The following KDM3A variants were observed in gnomAD, a reference collection of about 807,000 sequenced individuals.
The protein encoded by KDM3A is lysine demethylase 3A, also known as lysine-specific demethylase 3A.
KDM3A carries 60 observed loss-of-function variants against 158.0 expected under a neutral mutation model. The ratio of observed to expected loss-of-function variants is 0.38; its 90% CI spans 0.31 to 0.47. KDM3A has a LOEUF of 0.47. Among genes scored for constraint, KDM3A ranks in the 20% least tolerant of loss-of-function variants. KDM3A has a pLI of 0.99. For missense variants in KDM3A, 1,319 were observed against 1,574.3 expected (o/e 0.84, Z 2.74); for synonymous variants, 608 against 549.3 (o/e 1.11, Z -1.49).
intron 2 of KDM3A, among the ~76,000 whole-genome samples, chr2:86,447,487 A>G (rs1573141454): frequency 6.7e-6 from 1 of 149,478 alleles, no homozygotes; most frequent in Non-Finnish European, 1.5e-5. Context: ...TAGATATTAG[A>G]TAATTGTGTT....
chr2:86,481,612 T>A (rs1390138926), intron 16 of KDM3A, among the ~76,000 whole-genome samples: 1 of 151,834 alleles, frequency 6.6e-6, no homozygotes, highest in Middle Eastern at 3.2e-3. Flanking sequence ...GGAAAAAAAA[T>A]GTGTAAAGAG....
rs1672713731 is a variant in KDM3A, at chr2:86,456,673, A to C, written c.681+107A>C. 20 of 1,279,336 alleles carry C rather than the reference A, an allele frequency of 1.6e-5. 1 individual carries two copies. Among genetic ancestry groups the C allele is most frequent in the Middle Eastern group, 2.6e-4 (1 of 3,862 alleles). 79.2% of individuals were successfully genotyped at this position (1,279,336 alleles called of 1,614,324 possible). On this transcript the variant is annotated intron_variant, in intron 6 of 25. Transcript: ENST00000312912. ...AAATACCTTTATTATTTTATAGGGT[A>C]GAAATAATTACAGTTGTTTTAAAAA...
chr2:86,473,826 T>C (rs1455719700), intron 11 of KDM3A, among the ~76,000 whole-genome samples: 5 of 152,242 alleles, frequency 3.3e-5, no homozygotes, highest in African/African-American at 4.8e-5. Flanking sequence ...TCAAGTGTTA[T>C]ACAGTATTGA....
chr2:86,442,007 T>G lies in KDM3A; in HGVS notation c.-30-11T>G. 4 of 1,561,770 alleles carry G rather than the reference T, an allele frequency of 2.6e-6. No homozygotes were observed. Among genetic ancestry groups the G allele is most frequent in the Non-Finnish European group, 3.5e-6 (4 of 1,146,720 alleles). On this transcript the variant is annotated splice_polypyrimidine_tract_variant and intron_variant, in intron 1 of 25. Transcript: ENST00000312912. ...CCGCCCCCGTCGCATTTTGTTTTTG[T>G]GTTTTTGCAGGGAGGAGCTCTTCCT...
chr2:86,440,280 T>C (rs534028384), upstream of KDM3A, among the ~76,000 whole-genome samples: 1 of 152,382 alleles, frequency 6.6e-6, no homozygotes, highest in African/African-American at 2.4e-5. Context: ...ATCCCTTATA[T>C]GTTTCCAAAC....
rs771659588 is a variant in KDM3A, at chr2:86,482,021, G to T, written c.2604G>T (p.Thr868=). 6.2e-7 allele frequency: 1 copy of T among 1,614,004 alleles called. No homozygotes were observed. Among genetic ancestry groups the T allele is most frequent in the East Asian group, 2.2e-5 (1 of 44,882 alleles). Residue 868 remains threonine (T), a synonymous_variant, in exon 17 of 26, where the codon ACG becomes ACT. Transcript: ENST00000312912. ...GCAAATCCAGCACAGTCCTCCATAC[G>T]TTTAACAGCACAATTTTGACACCCG... is the stretch of plus-strand genomic sequence containing the variant. The part of the protein sequence containing the change: ...PLSKSSTVLH[T]FNSTILTPVS...
At chr2:86,460,518 T>C (rs572545057) in intron 8 of KDM3A, among the ~76,000 whole-genome samples, 1 of 152,270 alleles carries the variant, frequency 6.6e-6, no homozygotes, top group South Asian at 2.1e-4. Flanking sequence ...ACTGGCACTT[T>C]TAGGGTGGTC....
chr2:86,456,446 CA>C lies in KDM3A; in HGVS notation c.566del (p.Asn189ThrfsTer2). On this transcript the variant is annotated frameshift_variant, in exon 6 of 26. Transcript: ENST00000312912. LOFTEE classifies it high-confidence loss of function. ...TTTTTTTTTTTTTTTTTTAAGGTGA[CA>C]AAAACTTAGTTGGTTCAGAAGTAAA... ...LDESHLLKGDKNLVGSEVKIY... is the reference protein window; with the variant it reads ...LDESHLLKGDXNLVGSEVKIY... 1 of 1,140,448 alleles carries C rather than the reference CA, an allele frequency of 8.8e-7. No individual in the cohort carries two copies. The highest frequency in any genetic ancestry group is 2.1e-5 in the African/African-American group (1 of 47,780). The allele number at this position is 1,140,448 out of a possible 1,614,324, so 70.6% of individuals were successfully genotyped here. A position where few individuals can be genotyped will look rare whatever the true frequency, so the allele number is the denominator to read the frequency against.
chr2:86,441,935 C>A, intron 1 of KDM3A, 83 bp from the exon 2 acceptor site: 2 of 1,145,904 alleles, frequency 1.7e-6, no homozygotes, highest in South Asian at 2.8e-5. Flanking sequence ...GGTTCGGCGC[C>A]CTCCGCCCGC....
In KDM3A at chr2:86,490,953, C is replaced by A; in HGVS notation, c.3646C>A (p.Arg1216=). 6.2e-7 allele frequency: 1 copy of A among 1,613,732 alleles called. No individual in the cohort carries two copies. The change falls in exon 24 of 26, where the codon CGA becomes AGA. Residue 1216 remains arginine, a synonymous_variant. Coordinates refer to ENST00000312912, the MANE Select transcript of KDM3A (RefSeq NM_018433.6). ...TCATGATCAAAGCTGGTATTTAGAC[C>A]GATCATTAAGAAAACGTCTTCATCA... is the stretch of plus-strand genomic sequence containing the variant. ...PIHDQSWYLD[R]SLRKRLHQEY...
chr2:86,447,011 C>T (rs1682983692), intron 2 of KDM3A, among the ~76,000 whole-genome samples: 1 of 152,160 alleles, frequency 6.6e-6, no homozygotes, highest in Admixed American at 6.5e-5. Flanking sequence ...GAAGTTTCCC[C>T]ACGTTGCCTT....
In KDM3A at chr2:86,462,990, C is replaced by A. The variant is rs527435157; in HGVS notation, c.844-1063C>A. 3.3e-5 allele frequency among the ~76,000 whole-genome samples: 5 copies of A among 152,284 alleles called. No homozygotes were observed. In the South Asian group the frequency reaches 6.2e-4, roughly 19 times the overall value. On this transcript the variant is annotated intron_variant, in intron 8 of 25. Coordinates refer to ENST00000312912, the MANE Select transcript of KDM3A (RefSeq NM_018433.6). Reference sequence around the variant, plus strand: ...CCTGTAATCCCAGCTACTCGGGAGGCTGAGCCCTGAGAATTGCTAGAACCC... The same window carrying A: ...CCTGTAATCCCAGCTACTCGGGAGGATGAGCCCTGAGAATTGCTAGAACCC...
chr2:86,464,042 G>T lies in KDM3A; in HGVS notation c.844-11G>T. 1 of 1,499,422 alleles carries T rather than the reference G, an allele frequency of 6.7e-7. No homozygotes were observed. Among genetic ancestry groups the T allele is most frequent in the Non-Finnish European group, 9.0e-7 (1 of 1,117,108 alleles). The allele number at this position is 1,499,422 out of a possible 1,614,324, so 92.9% of individuals were successfully genotyped here. ...CTTCCTTTTAATATCTGTTGGTTTG[G>T]TATCTTCTAGGCCTCTCCCAGTATG... On this transcript the variant is annotated splice_polypyrimidine_tract_variant and intron_variant, in intron 8 of 25. Coordinates refer to ENST00000312912, the MANE Select transcript of KDM3A (RefSeq NM_018433.6).
chr2:86,481,719 T>C (rs970318262), intron 16 of KDM3A, among the ~76,000 whole-genome samples: 2 of 152,222 alleles, frequency 1.3e-5, no homozygotes, highest in African/African-American at 4.8e-5. Context: ...AAGGTCAATT[T>C]ACAAAATTCC....
At chr2:86,442,506 G>A (rs1408246783) in intron 2 of KDM3A, 3 of 338,812 alleles carry the variant, frequency 8.9e-6, no homozygotes, top group Non-Finnish European at 1.6e-5. Flanking sequence ...CACCAGGACT[G>A]TCTCATCTTT....
rs570308514 is a variant in KDM3A at position 86,474,373 on chromosome 2, C to A, written c.1725-403C>A. On this transcript the variant is annotated intron_variant, in intron 11 of 25. Coordinates refer to ENST00000312912, the MANE Select transcript of KDM3A (RefSeq NM_018433.6). ...ACTTTGTTGATTTAAATAGTAATTA[C>A]AAGTTGTGGATGGGCACGGTGGCTC... Among the ~76,000 whole-genome samples, 186 of 152,220 alleles carry A rather than the reference C, an allele frequency of 1.2e-3. 1 individual carries two copies. Among genetic ancestry groups the A allele is most frequent in the Middle Eastern group, 6.8e-3 (2 of 294 alleles).
chr2:86,475,486 A>C (rs920809849), intron 12 of KDM3A, among the ~76,000 whole-genome samples: 10 of 152,164 alleles, frequency 6.6e-5, no homozygotes, highest in African/African-American at 2.2e-4. Flanking sequence ...GAGGTTCTAG[A>C]TGTGCATGTG....
intron 2 of KDM3A, 29 bp downstream of exon 2, chr2:86,442,262 G>A: frequency 6.3e-7 from 1 of 1,581,440 alleles, no homozygotes; most frequent in South Asian, 1.1e-5. Context: ...CTCTGCCACC[G>A]GACGTTTCGC....
In KDM3A at chr2:86,470,194, GT is replaced by G; in HGVS notation, c.1520-6del. 1 of 1,613,272 alleles carries G rather than the reference GT, an allele frequency of 6.2e-7. No homozygotes were observed. Among genetic ancestry groups the G allele is most frequent in the Non-Finnish European group, 8.5e-7 (1 of 1,179,600 alleles). On this transcript the variant is annotated splice_polypyrimidine_tract_variant and intron_variant, in intron 10 of 25. Transcript: ENST00000312912. ...TGAGGTCCTGTCTCCTTAATCTTTTGTTTTCCTAGCCCCATCCAGGAAGTCG... is the reference window on the plus strand; with the variant it reads ...TGAGGTCCTGTCTCCTTAATCTTTTGTTTCCTAGCCCCATCCAGGAAGTCG...
Sources: allele counts gnomAD v4.1 joint callset (sites outside exome capture counted in the v4.1 genomes callset), GRCh38; gene constraint gnomAD v4.1.1; transcripts MANE v1.5; gene names NCBI Gene and HGNC (gene_info 2026-07-23, HGNC 2026-07-21).